Variants in OR1J2 observed in about 807,000 individuals in gnomAD.
OR1J2 encodes olfactory receptor 1J2.
For missense variants in OR1J2, 304 were observed against 246.1 expected (o/e 1.24, Z -1.57); for synonymous variants, 142 against 99.7 (o/e 1.42, Z -2.52).
chr9:122,577,824 C>A, the OR1J2 span, among the ~76,000 whole-genome samples: 3 of 152,124 alleles, frequency 2.0e-5, no homozygotes, highest in African/African-American at 7.2e-5. Context: ...TTACATTAAG[C>A]CATGTACATT....
chr9:122,478,743 T>C, the OR1J2 span, among the ~76,000 whole-genome samples: 1 of 152,206 alleles, frequency 6.6e-6, no homozygotes, highest in Non-Finnish European at 1.5e-5. Context: ...ATCTTTCTTA[T>C]GGTTTCAGAT....
the OR1J2 span, chr9:122,519,764 T>G: frequency 6.2e-7 from 1 of 1,614,210 alleles, no homozygotes; most frequent in African/African-American, 1.3e-5. Flanking sequence ...CAGTCATTAC[T>G]CTACCACTAA....
chr9:122,502,459 G>A, the OR1J2 span, among the ~76,000 whole-genome samples: 1 of 152,128 alleles, frequency 6.6e-6, no homozygotes, highest in Non-Finnish European at 1.5e-5. Context: ...CTTGTTCCAG[G>A]ATGCTTGTCT....
At chr9:122,494,989 T>C in the OR1J2 span, among the ~76,000 whole-genome samples, 6 of 152,208 alleles carry the variant, frequency 3.9e-5, no homozygotes, top group Non-Finnish European at 8.8e-5. Context: ...AATTGTTTTG[T>C]TTAAGGAGGC....
At chr9:122,501,429 C>G in the OR1J2 span, among the ~76,000 whole-genome samples, 1 of 152,166 alleles carries the variant, frequency 6.6e-6, no homozygotes, top group African/African-American at 2.4e-5. Flanking sequence ...CCCTGAGAAT[C>G]AAGGCACAAA....
the OR1J2 span, among the ~76,000 whole-genome samples, chr9:122,499,970 C>A: frequency 6.6e-6 from 1 of 152,182 alleles, no homozygotes; most frequent in Non-Finnish European, 1.5e-5. Flanking sequence ...AGCTCTCCTC[C>A]CACTGCAGGC....
the OR1J2 span, chr9:122,554,045 T>C: frequency 6.2e-7 from 1 of 1,613,886 alleles, no homozygotes; most frequent in Non-Finnish European, 8.5e-7. Context: ...GTAGGGCTGC[T>C]GTTCTCTATA....
the OR1J2 span, chr9:122,568,312 G>T: frequency 1.2e-6 from 2 of 1,614,054 alleles, no homozygotes; most frequent in African/African-American, 2.7e-5. Context: ...GGGGTCTGAA[G>T]ATGGGGGTTG....
At chr9:122,498,655 C>T in the OR1J2 span, among the ~76,000 whole-genome samples, 1 of 152,150 alleles carries the variant, frequency 6.6e-6, no homozygotes, top group African/African-American at 2.4e-5. Flanking sequence ...CTAGGGACCT[C>T]TGCTGGAGAT....
At chr9:122,573,183 C>T in the OR1J2 span, among the ~76,000 whole-genome samples, 3 of 152,184 alleles carry the variant, frequency 2.0e-5, no homozygotes, top group Admixed American at 2.0e-4. Flanking sequence ...GTGCTGACCC[C>T]TCAGGGGAGT....
At chr9:122,491,114 G>A in the OR1J2 span, among the ~76,000 whole-genome samples, 27 of 152,276 alleles carry the variant, frequency 1.8e-4, no homozygotes, top group Middle Eastern at 0.01. Flanking sequence ...TTTGATGTGA[G>A]TTGATTTTGA....
At chr9:122,541,957 A>G in the OR1J2 span, among the ~76,000 whole-genome samples, 1 of 152,236 alleles carries the variant, frequency 6.6e-6, no homozygotes, top group African/African-American at 2.4e-5. Context: ...TAACACTTCC[A>G]TAAAGCCAGA....
the OR1J2 span, among the ~76,000 whole-genome samples, chr9:122,570,405 A>G: frequency 3.3e-5 from 5 of 152,226 alleles, no homozygotes; most frequent in Non-Finnish European, 5.9e-5. Flanking sequence ...AATACACCAG[A>G]ATTTTCACAT....
At chr9:122,504,403 C>T in the OR1J2 span, among the ~76,000 whole-genome samples, 1 of 152,204 alleles carries the variant, frequency 6.6e-6, no homozygotes, top group Non-Finnish European at 1.5e-5. Context: ...TCTGAACCAG[C>T]TGCAGAATCT....
At chr9:122,471,496 C>T in the OR1J2 span, 1 of 152,120 alleles carries the variant, frequency 6.6e-6, no homozygotes, top group Admixed American at 6.5e-5. Flanking sequence ...TACAGTAAGC[C>T]TTTGGAGTTG....
At chr9:122,547,914 C>A in the OR1J2 span, among the ~76,000 whole-genome samples, 5 of 152,120 alleles carry the variant, frequency 3.3e-5, no homozygotes, top group East Asian at 9.6e-4. Context: ...ACCAACATTG[C>A]GTTAAGTATT....
chr9:122,569,801 A>G, the OR1J2 span, among the ~76,000 whole-genome samples: 2 of 151,992 alleles, frequency 1.3e-5, no homozygotes, highest in African/African-American at 4.8e-5. Flanking sequence ...TTAGCATTAG[A>G]TATATCTCCT....
chr9:122,458,057 G>C, the OR1J2 span, among the ~76,000 whole-genome samples: 1 of 152,034 alleles, frequency 6.6e-6, no homozygotes, highest in Admixed American at 6.5e-5. Context: ...TTTCTGCTGG[G>C]ACATTTTCCC....
chr9:122,471,588 A>C, the OR1J2 span, among the ~76,000 whole-genome samples: 1 of 152,362 alleles, frequency 6.6e-6, no homozygotes, highest in Non-Finnish European at 1.5e-5. Flanking sequence ...CTTATGCGTA[A>C]GAATTATTAG....
Sources: allele counts gnomAD v4.1 joint callset (sites outside exome capture counted in the v4.1 genomes callset), GRCh38; gene constraint gnomAD v4.1.1; transcripts MANE v1.5; gene names NCBI Gene and HGNC (gene_info 2026-07-23, HGNC 2026-07-21).